Variants in AP1G1 observed in about 807,000 individuals in gnomAD.
The protein encoded by AP1G1 is AP-1 complex subunit gamma-1.
Under a neutral mutation model 108.3 loss-of-function variants are expected in AP1G1, and 7 were observed. The observed-to-expected ratio is 0.06, with a 90% CI of 0.04 to 0.12. The LOEUF (loss-of-function observed/expected upper bound fraction) is 0.12. Ranked by LOEUF, AP1G1 falls within the 10% of genes least tolerant of loss-of-function variation. The pLI is 1.00. For missense variants in AP1G1, 756 were observed against 1,010.7 expected (o/e 0.75, Z 3.42); for synonymous variants, 379 against 353.5 (o/e 1.07, Z -0.81).
intron 13 of AP1G1, among the ~76,000 whole-genome samples, chr16:71,753,236 C>T (rs569400507): frequency 4.6e-5 from 7 of 152,298 alleles, no homozygotes; most frequent in Non-Finnish European, 1.0e-4. Context: ...TGAATTTCTG[C>T]AAGAATGCCA....
intron 6 of AP1G1, among the ~76,000 whole-genome samples, chr16:71,768,498 C>CCCAAAAAA (rs1555554271): frequency 4.1e-4 from 2 of 4,938 alleles, no homozygotes; most frequent in Non-Finnish European, 7.9e-4. Flanking sequence ...CAGACTCCGC[C>CCCAAAAAA]ACAAAAAAAA....
At chr16:71,800,200 T>C (rs1248526711) in intron 1 of AP1G1, among the ~76,000 whole-genome samples, 6 of 125,016 alleles carry the variant, frequency 4.8e-5, no homozygotes, top group Admixed American at 1.6e-4. Flanking sequence ...CTGTCTCTAC[T>C]AAAAAAAAAA....
chr16:71,780,963 A>G (rs917181916), intron 2 of AP1G1, among the ~76,000 whole-genome samples: 5 of 151,978 alleles, frequency 3.3e-5, no homozygotes, highest in African/African-American at 1.2e-4. Flanking sequence ...AATTACATGC[A>G]TGAGCCACTG....
intron 13 of AP1G1, 160 bp downstream of exon 13, chr16:71,753,673 A>T: frequency 1.4e-6 from 1 of 698,040 alleles, no homozygotes; most frequent in Non-Finnish European, 2.5e-6. Flanking sequence ...ATATTCCTCC[A>T]TGCTGCTTTA....
intron 13 of AP1G1, among the ~76,000 whole-genome samples, chr16:71,750,882 T>C (rs112550680): frequency 0.041 from 6,237 of 151,568 alleles, 168 homozygotes; most frequent in Non-Finnish European, 0.06. Context: ...AAAGGCCGGG[T>C]GTGGTGGCTC....
intron 11 of AP1G1, among the ~76,000 whole-genome samples, chr16:71,757,369 T>G (rs986985141): frequency 1.3e-5 from 2 of 150,344 alleles, no homozygotes; most frequent in Non-Finnish European, 3.0e-5. Flanking sequence ...GAGAATCGCT[T>G]GAACTCAGGA....
chr16:71,801,858 C>T (rs528083148), intron 1 of AP1G1, among the ~76,000 whole-genome samples: 1 of 148,550 alleles, frequency 6.7e-6, no homozygotes, highest in South Asian at 2.1e-4. Flanking sequence ...GGAGGCGGAG[C>T]TTGCAGTGAG....
intron 1 of AP1G1, among the ~76,000 whole-genome samples, chr16:71,790,171 C>T (rs1438707783): frequency 6.6e-6 from 1 of 150,658 alleles, no homozygotes; most frequent in African/African-American, 2.4e-5. Context: ...AAAAACAGAA[C>T]GTGCACTACC....
Position 71,758,864 on chromosome 16 carries a change from C to G in AP1G1, c.1032G>C (p.Gln344His). Residue 344 changes from glutamine to histidine, a missense_variant, in exon 11 of 23, where the codon CAG becomes CAC. By Grantham distance (24) the Gln-to-His change is conservative (BLOSUM62 0). Transcript: ENST00000299980. Reference protein sequence around the residue: ...KTVQTDHNAVQRHRSTIVDCL... With the variant: ...KTVQTDHNAVHRHRSTIVDCL... Reference sequence around the variant, plus strand: ...AGTCCACAATTGTGCTTCTGTGCCTCTGTACTGCATTATGATCTGTCTGTA... The same window carrying G: ...AGTCCACAATTGTGCTTCTGTGCCTGTGTACTGCATTATGATCTGTCTGTA... 6.2e-7 allele frequency: 1 copy of G among 1,611,876 alleles called. No homozygotes were observed. Among genetic ancestry groups the G allele is most frequent in the Non-Finnish European group, 8.5e-7 (1 of 1,179,478 alleles).
At chr16:71,734,251 C>G (rs2045506007) in intron 22 of AP1G1, among the ~76,000 whole-genome samples, 1 of 152,172 alleles carries the variant, frequency 6.6e-6, no homozygotes, top group Non-Finnish European at 1.5e-5. Context: ...CTCTATTTTT[C>G]TATTCATACT....
chr16:71,740,757 C>G (rs2045609228), intron 19 of AP1G1, among the ~76,000 whole-genome samples: 1 of 152,048 alleles, frequency 6.6e-6, no homozygotes. Context: ...TGGCAAACAC[C>G]AATGTTAAAC....
At chr16:71,746,839 A>C in intron 16 of AP1G1, 147 bp from the exon 17 acceptor site, 1 of 581,074 alleles carries the variant, frequency 1.7e-6, no homozygotes, top group Admixed American at 3.1e-5. Context: ...AAAACAAAAC[A>C]CTTTACTTTC....
chr16:71,760,280 C>T (rs1336485038), intron 10 of AP1G1, among the ~76,000 whole-genome samples: 8 of 149,516 alleles, frequency 5.4e-5, no homozygotes, highest in Non-Finnish European at 5.9e-5. Context: ...TGGTGGCTCA[C>T]GCCTGTAATC....
chr16:71,745,103 C>T, intron 19 of AP1G1, 41 bp downstream of exon 19: 1 of 1,607,404 alleles, frequency 6.2e-7, no homozygotes, highest in Non-Finnish European at 8.5e-7. Context: ...CCTGAGGCCT[C>T]TATCTTTTCC....
At chr16:71,803,923 C>CAAAA (rs534074123) in intron 1 of AP1G1, among the ~76,000 whole-genome samples, 3 of 73,654 alleles carry the variant, frequency 4.1e-5, no homozygotes, top group South Asian at 3.8e-4. Context: ...GACTCCGTCT[C>CAAAA]AAAAAAAAAA....
chr16:71,777,880 G>A (rs1452164458), intron 2 of AP1G1: 1 of 290,084 alleles, frequency 3.4e-6, no homozygotes, highest in South Asian at 3.2e-5. Context: ...CCAGGGCCAA[G>A]ACAGAGGGGC....
Position 71,761,570 on chromosome 16 carries a change from A to G in AP1G1, c.919-3T>C, listed in dbSNP as rs1487864895. 6.2e-7 allele frequency: 1 copy of G among 1,603,670 alleles called. No homozygotes were observed. Among genetic ancestry groups the G allele is most frequent in the Non-Finnish European group, 8.5e-7 (1 of 1,172,080 alleles). The stretch of plus-strand genomic sequence containing the variant: ...CCCAGGATATTTATGGCTAGGACCT[A>G]AAGAGAAACAGCATAGGTCGAAATT... On this transcript the variant is annotated splice_region_variant and splice_polypyrimidine_tract_variant and intron_variant, in intron 9 of 22. Transcript: ENST00000299980.
At chr16:71,738,896 G>A in intron 21 of AP1G1, 46 bp downstream of exon 21, 2 of 1,506,836 alleles carry the variant, frequency 1.3e-6, no homozygotes, top group South Asian at 1.3e-5. Flanking sequence ...AAAAAAGCCA[G>A]CCAATCTTTA....
chr16:71,734,036 A>T (rs1452305573), intron 22 of AP1G1, among the ~76,000 whole-genome samples: 1 of 152,236 alleles, frequency 6.6e-6, no homozygotes, highest in Non-Finnish European at 1.5e-5. Flanking sequence ...AGGAAAGGCA[A>T]GTGTTACAAG....
Sources: allele counts gnomAD v4.1 joint callset (sites outside exome capture counted in the v4.1 genomes callset), GRCh38; gene constraint gnomAD v4.1.1; transcripts MANE v1.5; gene names NCBI Gene and HGNC (gene_info 2026-07-23, HGNC 2026-07-21).